SNTB1: variants seen among roughly 807,000 people sequenced by gnomAD.
SNTB1 encodes syntrophin beta 1.
SNTB1 carries 36 observed loss-of-function variants against 48.9 expected under a neutral mutation model. That is an observed-to-expected ratio of 0.74 (90% CI 0.56 to 0.97). The LOEUF is 0.97. Among genes scored for constraint, SNTB1 ranks in the 50% least tolerant of loss-of-function variants. The pLI, the probability that SNTB1 is intolerant of heterozygous loss-of-function variation, is 0.00. For missense variants in SNTB1, 786 were observed against 703.4 expected (o/e 1.12, Z -1.33); for synonymous variants, 299 against 294.6 (o/e 1.01, Z -0.15).
intron 4 of SNTB1, among the ~76,000 whole-genome samples, chr8:120,552,100 T>A (rs1204709978): frequency 6.6e-6 from 1 of 152,190 alleles, no homozygotes; most frequent in Non-Finnish European, 1.5e-5. Context: ...GAAAAAGATA[T>A]GCCACTCTCA....
At chr8:120,544,790 C>CTTTTTT (rs113100073) in intron 5 of SNTB1, among the ~76,000 whole-genome samples, 2 of 114,170 alleles carry the variant, frequency 1.8e-5, no homozygotes, top group African/African-American at 3.4e-5. Flanking sequence ...AAATTCAAAA[C>CTTTTTT]TTTTTTTTTT....
chr8:120,748,570 A>G (rs1587132366), intron 1 of SNTB1, among the ~76,000 whole-genome samples: 1 of 152,304 alleles, frequency 6.6e-6, no homozygotes, highest in East Asian at 1.9e-4. Context: ...CATACAAAAT[A>G]TGTATGTTAT....
chr8:120,762,074 A>G (rs1369715210), intron 1 of SNTB1, among the ~76,000 whole-genome samples: 1 of 152,218 alleles, frequency 6.6e-6, no homozygotes, highest in Non-Finnish European at 1.5e-5. Flanking sequence ...CTGGTGGGGC[A>G]ATACCCACGT....
intron 1 of SNTB1, chr8:120,775,450 A>G (rs1299764223): frequency 6.6e-6 from 1 of 152,174 alleles, no homozygotes; most frequent in Admixed American, 6.5e-5. Flanking sequence ...ATTAAAACCA[A>G]ACTTTCTGCT....
intron 2 of SNTB1, among the ~76,000 whole-genome samples, chr8:120,681,853 TGA>T (rs1336260962): frequency 1.3e-4 from 20 of 151,838 alleles, no homozygotes; most frequent in African/African-American, 4.8e-4. Flanking sequence ...ACCAGACATT[TGA>T]GAAAACCTCC....
intron 2 of SNTB1, among the ~76,000 whole-genome samples, chr8:120,680,900 G>T (rs934668314): frequency 1.3e-5 from 2 of 152,020 alleles, no homozygotes; most frequent in Non-Finnish European, 2.9e-5. Flanking sequence ...TGACAGGTAC[G>T]GACATGGGCT....
intron 4 of SNTB1, among the ~76,000 whole-genome samples, chr8:120,561,519 C>CT (rs534683549): frequency 6.6e-6 from 1 of 151,696 alleles, no homozygotes; most frequent in East Asian, 1.9e-4. Context: ...TTGAAGTTAA[C>CT]TTTTTTTTAA....
chr8:120,558,527 A>AT (rs1307668413), intron 4 of SNTB1, among the ~76,000 whole-genome samples: 1 of 152,224 alleles, frequency 6.6e-6, no homozygotes, highest in Non-Finnish European at 1.5e-5. Context: ...TCCCAGAAAG[A>AT]TTTTACATTT....
chr8:120,789,448 G>T (rs1819987255), intron 1 of SNTB1, among the ~76,000 whole-genome samples: 2 of 151,836 alleles, frequency 1.3e-5, no homozygotes, highest in Non-Finnish European at 1.5e-5. Context: ...GAAACAAAAA[G>T]CTGGTTCTTT....
At chr8:120,558,739 T>G (rs1002533308) in intron 4 of SNTB1, among the ~76,000 whole-genome samples, 2 of 152,152 alleles carry the variant, frequency 1.3e-5, no homozygotes, top group Non-Finnish European at 1.5e-5. Context: ...AACTGCAAAC[T>G]GGGGATAATA....
In SNTB1 at chr8:120,687,818, T is replaced by C. The variant is rs145828027; in HGVS notation, c.788+5874A>G. 2.1e-3 allele frequency among the ~76,000 whole-genome samples: 319 copies of C among 152,362 alleles called. 1 individual carries two copies. Among genetic ancestry groups the C allele is most frequent in the South Asian group, 8.1e-3 (39 of 4,832 alleles). On this transcript the variant is annotated intron_variant, in intron 2 of 6. Transcript: ENST00000517992. ...TGGGCATTTCCATCTACTTGACAACTGTGTTGCTCATCATAAACAAATTTT... is the reference window on the plus strand; with the variant it reads ...TGGGCATTTCCATCTACTTGACAACCGTGTTGCTCATCATAAACAAATTTT...
chr8:120,723,080 G>A lies in SNTB1; in HGVS notation c.572-29172C>T, dbSNP rs141549728. Among the ~76,000 whole-genome samples, 558 of 152,210 alleles carry A rather than the reference G, an allele frequency of 3.7e-3. 4 individuals are homozygous for A. The highest frequency in any genetic ancestry group is 0.013 in the African/African-American group (521 of 41,538). On this transcript the variant is annotated intron_variant, in intron 1 of 6. Transcript: ENST00000517992. ...AAAGATCAGATGGTTGTAGATGTGC[G>A]GTGTTATTTCTGAGTCCTCTGTTCT...
At chr8:120,725,331 ACT>A (rs1818735091) in intron 1 of SNTB1, among the ~76,000 whole-genome samples, 1 of 151,556 alleles carries the variant, frequency 6.6e-6, no homozygotes, top group Admixed American at 6.6e-5. Flanking sequence ...TTCTTTAAGG[ACT>A]CTCCATTCTT....
chr8:120,634,816 A>G (rs1211819781), intron 2 of SNTB1, among the ~76,000 whole-genome samples: 1 of 151,962 alleles, frequency 6.6e-6, no homozygotes, highest in African/African-American at 2.4e-5. Context: ...GGAAAGTGAG[A>G]TGTCACTAGG....
At chr8:120,621,051 C>T (rs1009630446) in intron 3 of SNTB1, among the ~76,000 whole-genome samples, 1 of 152,100 alleles carries the variant, frequency 6.6e-6, no homozygotes, top group Non-Finnish European at 1.5e-5. Flanking sequence ...CCTCCACCTC[C>T]CGGGTTCAAG....
At chr8:120,711,235 G>A (rs75409614) in intron 1 of SNTB1, among the ~76,000 whole-genome samples, 768 of 152,046 alleles carry the variant, frequency 5.1e-3, no homozygotes, top group Non-Finnish European at 8.9e-3. Context: ...ACTGAATCTA[G>A]GTATGAAACT....
At chr8:120,802,361 A>G (rs10955990) in intron 1 of SNTB1, among the ~76,000 whole-genome samples, 75,170 of 152,010 alleles carry the variant, frequency 0.49, 21,760 homozygotes, top group African/African-American at 0.81. Context: ...ATCTTTATGT[A>G]TTGGCTTTCC....
intron 1 of SNTB1, among the ~76,000 whole-genome samples, chr8:120,783,955 T>C (rs1236452240): frequency 5.3e-5 from 8 of 152,068 alleles, no homozygotes; most frequent in Admixed American, 2.0e-4. Context: ...TATGGGAAAA[T>C]GTGTGTAGGT....
At chr8:120,639,490 T>C (rs1210776950) in intron 2 of SNTB1, among the ~76,000 whole-genome samples, 11 of 152,226 alleles carry the variant, frequency 7.2e-5, no homozygotes, top group Non-Finnish European at 1.5e-4. Context: ...TAGGTTTTCT[T>C]CTAGGGTTTT....
Sources: gnomAD v4.1 joint callset for allele counts (sites outside exome capture counted in the v4.1 genomes callset) on GRCh38, gnomAD v4.1.1 for gene constraint, MANE v1.5 for transcripts, NCBI Gene and HGNC (gene_info 2026-07-23, HGNC 2026-07-21) for gene names.